PALM2AKAP2: variants seen among roughly 807,000 people sequenced by gnomAD.
The protein encoded by PALM2AKAP2 is PALM2 and AKAP2 fusion.
PALM2AKAP2 carries 37 observed loss-of-function variants against 71.5 expected under a neutral mutation model. The observed-to-expected ratio is 0.52, with a 90% CI of 0.40 to 0.68. PALM2AKAP2 has a LOEUF of 0.68. PALM2AKAP2 is among the 30% of genes least tolerant of loss of function. The pLI is 0.00. For synonymous variants in PALM2AKAP2, 468 were observed against 478.8 expected, an observed-to-expected ratio of 0.98 and a Z score of 0.29; for missense variants, 1,224 against 1,191.8, an observed-to-expected ratio of 1.03 and a Z score of -0.40.
At chr9:110,096,907 A>G (rs1183294131) in intron 1 of PALM2AKAP2, among the ~76,000 whole-genome samples, 2 of 151,848 alleles carry the variant, frequency 1.3e-5, no homozygotes, top group Non-Finnish European at 2.9e-5. Flanking sequence ...AGCCTCTTTT[A>G]ACAGAATCAC....
intron 1 of PALM2AKAP2, among the ~76,000 whole-genome samples, chr9:110,087,124 A>G (rs1193608342): frequency 5.9e-5 from 9 of 152,012 alleles, no homozygotes; most frequent in African/African-American, 2.2e-4. Context: ...AATTCTCTCC[A>G]CCATGCTGGT....
At chr9:109,902,104 T>C (rs1830343506) in intron 3 of PALM2AKAP2, among the ~76,000 whole-genome samples, 1 of 152,136 alleles carries the variant, frequency 6.6e-6, no homozygotes. Context: ...AAGGGTACGT[T>C]TTTCAGTATC....
intron 6 of PALM2AKAP2, among the ~76,000 whole-genome samples, chr9:109,935,675 G>C (rs1437551151): frequency 6.6e-6 from 1 of 152,082 alleles, no homozygotes; most frequent in African/African-American, 2.4e-5. Flanking sequence ...AAGCTCCTTC[G>C]ATGTAGTTTA....
intron 1 of PALM2AKAP2, among the ~76,000 whole-genome samples, chr9:110,128,475 GTT>G (rs1835666807): frequency 6.6e-6 from 1 of 152,198 alleles, no homozygotes; most frequent in Non-Finnish European, 1.5e-5. Context: ...CCAAGAGTGA[GTT>G]TATATTTTTG....
intron 1 of PALM2AKAP2, among the ~76,000 whole-genome samples, chr9:110,070,830 C>T (rs1834188378): frequency 1.3e-5 from 2 of 152,028 alleles, no homozygotes; most frequent in African/African-American, 2.4e-5. Flanking sequence ...TTTTTTTCGT[C>T]TGTAACTGGG....
chr9:109,715,785 C>T (rs1828309942), intron 1 of PALM2AKAP2, among the ~76,000 whole-genome samples: 1 of 152,222 alleles, frequency 6.6e-6, no homozygotes, highest in Non-Finnish European at 1.5e-5. Context: ...TATTTCATAT[C>T]CATTAGAGGT....
chr9:109,887,924 C>A (rs1257754144), intron 3 of PALM2AKAP2, among the ~76,000 whole-genome samples: 1 of 152,194 alleles, frequency 6.6e-6, no homozygotes, highest in African/African-American at 2.4e-5. Flanking sequence ...ATTCTCCCTC[C>A]TCAACCTCCA....
intron 1 of PALM2AKAP2, among the ~76,000 whole-genome samples, chr9:109,763,938 G>A (rs1247065170): frequency 2.0e-5 from 3 of 152,088 alleles, no homozygotes; most frequent in Non-Finnish European, 4.4e-5. Flanking sequence ...TTAAATTCAG[G>A]ATGATTTATC....
rs541757086 is a variant in PALM2AKAP2 at position 109,729,331 on chromosome 9, A to C, written c.6-51157A>C. Among the ~76,000 whole-genome samples the C allele has an allele frequency of 2.6e-5, 4 of 152,312 alleles. 1 individual carries two copies. The highest frequency in any genetic ancestry group is 7.2e-5 in the African/African-American group (3 of 41,558). On this transcript the variant is annotated intron_variant, in intron 1 of 6. Coordinates refer to the PALM2AKAP2 transcript ENST00000374531. ...TAAAATGAATACACAATTTTCTAAC[A>C]TTTAAAACCGCTGATTAATTCTCTG...
At chr9:109,872,287 T>A (rs10980104) in intron 2 of PALM2AKAP2, among the ~76,000 whole-genome samples, 31,641 of 152,108 alleles carry the variant, frequency 0.21, 4,127 homozygotes, top group Admixed American at 0.29. Context: ...TGGATTTTTT[T>A]AAAATAAATC....
chr9:109,903,607 A>C (rs976043850), intron 3 of PALM2AKAP2, among the ~76,000 whole-genome samples: 3 of 152,144 alleles, frequency 2.0e-5, no homozygotes, highest in African/African-American at 7.2e-5. Flanking sequence ...TGGACATTTA[A>C]TGAACTTTCT....
chr9:109,928,650 C>T (rs1015513826), intron 5 of PALM2AKAP2, among the ~76,000 whole-genome samples: 2 of 151,674 alleles, frequency 1.3e-5, no homozygotes, highest in African/African-American at 4.8e-5. Context: ...CCCCATTCTC[C>T]ACTCCCTTAT....
At chr9:109,925,065 T>C in exon 5 of PALM2AKAP2, 1 of 1,614,150 alleles carries the variant, frequency 6.2e-7, no homozygotes, top group Non-Finnish European at 8.5e-7. Flanking sequence ...CTACAGGGTT[T>C]CTCCAGTACG....
At position 109,923,802 on chromosome 9, in the gene PALM2AKAP2, C is replaced by CT; in HGVS notation, c.326dup (p.Glu110ArgfsTer69). The CT allele has an allele frequency of 6.2e-7, 1 of 1,603,272 alleles. No homozygotes were observed. The highest frequency in any genetic ancestry group is 1.3e-5 in the African/African-American group (1 of 74,220). ...GATATCTGCCAAAGAGCAAATCATC[C>CT]TAGAGAAACTGAAGGAAACAGAAAA... On this transcript the variant is annotated frameshift_variant, in exon 4 of 10. Coordinates refer to the PALM2AKAP2 transcript ENST00000302798. LOFTEE classifies it high-confidence loss of function.
chr9:109,891,375 A>G (rs1830084227), intron 3 of PALM2AKAP2, among the ~76,000 whole-genome samples: 1 of 152,106 alleles, frequency 6.6e-6, no homozygotes, highest in Non-Finnish European at 1.5e-5. Context: ...GTTGGTCATT[A>G]AGGTTATGCC....
intron 3 of PALM2AKAP2, among the ~76,000 whole-genome samples, chr9:109,908,395 G>T (rs1830496440): frequency 6.6e-6 from 1 of 152,152 alleles, no homozygotes. Context: ...AATATTCTAG[G>T]CTCTAGCTAC....
chr9:110,159,830 A>G (rs766866922), intron 3 of PALM2AKAP2, among the ~76,000 whole-genome samples: 20 of 152,218 alleles, frequency 1.3e-4, no homozygotes, highest in Non-Finnish European at 2.2e-4. Context: ...ATAAAAAGTC[A>G]TATGCAGAGA....
chr9:109,754,834 A>G (rs539053851), intron 1 of PALM2AKAP2, among the ~76,000 whole-genome samples: 48 of 152,210 alleles, frequency 3.2e-4, no homozygotes, highest in African/African-American at 1.1e-3. Context: ...TCCAAATACC[A>G]TTACATTAGG....
At chr9:110,037,586 T>C (rs1833436498) in intron 7 of PALM2AKAP2, among the ~76,000 whole-genome samples, 2 of 152,340 alleles carry the variant, frequency 1.3e-5, no homozygotes, top group African/African-American at 4.8e-5. Context: ...CCAGGTCTTG[T>C]ACTTATGTAG....
Sources: gnomAD v4.1 joint callset for allele counts (sites outside exome capture counted in the v4.1 genomes callset) on GRCh38, gnomAD v4.1.1 for gene constraint, MANE v1.5 for transcripts, NCBI Gene and HGNC (gene_info 2026-07-23, HGNC 2026-07-21) for gene names.